Variants in MUC5B observed in about 807,000 individuals in gnomAD.
MUC5B encodes mucin 5B, oligomeric mucus/gel-forming.
In MUC5B, 116 loss-of-function variants were observed where a neutral mutation model predicts 376.9. That is an observed-to-expected ratio of 0.31 (90% CI 0.26 to 0.36). MUC5B has a LOEUF of 0.36. Ranked by LOEUF, MUC5B falls within the 10% of genes least tolerant of loss-of-function variation. The pLI is 1.00. For missense variants in MUC5B, 7,165 were observed against 7,769.9 expected, an observed-to-expected ratio of 0.92 and a Z score of 2.93; for synonymous variants, 3,517 against 3,390.9, an observed-to-expected ratio of 1.04 and a Z score of -1.29.
rs376661269 is a variant in MUC5B at position 1,259,825 on chromosome 11, G to A, written c.16783G>A (p.Asp5595Asn). Residue 5595 changes from aspartate (D) to asparagine (N), a missense_variant, in exon 45 of 49, where the codon GAT becomes AAT. Asp to Asn is a conservative substitution (Grantham distance 23, BLOSUM62 1). Coordinates refer to ENST00000529681, the MANE Select transcript of MUC5B (RefSeq NM_002458.3). ...ECVQTACLTP[D>N]GQPVQLNETW... ...CGTCCAGACCGCCTGCCTCACGCCC[G>A]ATGGCCAGCCAGTCCAGGTAACAGC... is the stretch of plus-strand genomic sequence containing the variant. The A allele has an allele frequency of 2.7e-5, 44 of 1,612,314 alleles. No individual in the cohort carries two copies. The highest frequency in any genetic ancestry group is 2.4e-4 in the African/African-American group (18 of 74,880).
Position 1,239,525 on chromosome 11 carries a change from A to G in MUC5B, c.3542A>G (p.Asn1181Ser). 2 of 1,601,102 alleles carry G rather than the reference A, an allele frequency of 1.2e-6. No homozygotes were observed. Among genetic ancestry groups the G allele is most frequent in the Non-Finnish European group, 1.7e-6 (2 of 1,171,106 alleles). ...CGAPCLKTCR[N>S]PSGHCLVDLP... ...GCACCCTGCCTAAAAACCTGCCGGAACCCCAGTGGGCACTGCCTGGTGGAC... is the reference window on the plus strand; with the variant it reads ...GCACCCTGCCTAAAAACCTGCCGGAGCCCCAGTGGGCACTGCCTGGTGGAC... The change falls in exon 27 of 49, where the codon AAC becomes AGC. Residue 1181 changes from asparagine to serine, a missense_variant. Asn to Ser is a conservative substitution (Grantham distance 46). This residue lies in a region of MUC5B where 517 missense variants were observed against 545.3 expected (regional missense o/e 0.95). Coordinates refer to ENST00000529681, the MANE Select transcript of MUC5B (RefSeq NM_002458.3).
In MUC5B at chr11:1,253,046, G is replaced by T; in HGVS notation, c.15217+66G>T. 6.3e-7 allele frequency: 1 copy of T among 1,591,578 alleles called. No homozygotes were observed. On this transcript the variant is annotated intron_variant, in intron 33 of 48. Transcript: ENST00000529681. This position sits in a 1 kb window ranked among gnomAD's most constrained non-coding sequence, Gnocchi z 4.3. ...TGGAGCAGAGTGCACCGTCGGCTAG[G>T]CTGGCAGAATGGGGCATGGTGGGGC... is the stretch of plus-strand genomic sequence containing the variant.
intron 9 of MUC5B, 51 bp downstream of exon 9, chr11:1,229,346 C>T: frequency 1.4e-6 from 2 of 1,478,008 alleles, no homozygotes; most frequent in South Asian, 2.6e-5. Flanking sequence ...GTCCCTGCTC[C>T]CAACCCCGCC....
chr11:1,246,020 C>A lies in MUC5B; in HGVS notation c.9140C>A (p.Thr3047Asn), dbSNP rs201236828. The change falls in exon 31 of 49, where the codon ACT becomes AAT. Residue 3047 changes from threonine (T) to asparagine (N), a missense_variant. Coordinates refer to ENST00000529681, the MANE Select transcript of MUC5B (RefSeq NM_002458.3). ...SKATSSSSPR[T>N]ATTLPVLTST... Reference sequence around the variant, plus strand: ...GCCACTTCCTCCTCCAGTCCAAGGACTGCAACCACCCTTCCAGTGCTGACA... The same window carrying A: ...GCCACTTCCTCCTCCAGTCCAAGGAATGCAACCACCCTTCCAGTGCTGACA... 0.022 allele frequency: 34,922 copies of A among 1,590,254 alleles called. No individual in the cohort carries two copies. The highest frequency in any genetic ancestry group is 0.024 in the Non-Finnish European group (27,612 of 1,159,584).
intron 23 of MUC5B, 194 bp downstream of exon 23, chr11:1,235,607 G>A (rs1862139567): frequency 1.6e-6 from 1 of 606,690 alleles, no homozygotes; most frequent in Non-Finnish European, 3.0e-6. Context: ...CCGGAAGTCA[G>A]AGATCCAGGC....
chr11:1,241,924 G>A lies in MUC5B; in HGVS notation c.5044G>A (p.Glu1682Lys), dbSNP rs551505442. Residue 1682 changes from glutamate (E) to lysine (K), a missense_variant, in exon 31 of 49, where the codon GAA (glutamate) becomes AAA (lysine). Physicochemically the swap from Glu to Lys is moderately conservative, Grantham distance 56 (BLOSUM62 1). Around this residue, in one of 31 missense-constraint regions of MUC5B, gnomAD observed 897 missense variants for 779.6 expected, o/e 1.15. Coordinates refer to ENST00000529681, the MANE Select transcript of MUC5B (RefSeq NM_002458.3). ...GGPTTPAGSTEPTVPGVATST... is the reference protein window; with the variant it reads ...GGPTTPAGSTKPTVPGVATST... Reference sequence around the variant, plus strand: ...CCCCACGACGCCTGCAGGCTCCACAGAACCCACTGTCCCAGGGGTGGCCAC... The same window carrying A: ...CCCCACGACGCCTGCAGGCTCCACAAAACCCACTGTCCCAGGGGTGGCCAC... The A allele has an allele frequency of 3.9e-5, 63 of 1,609,256 alleles. No individual in the cohort carries two copies. The highest frequency in any genetic ancestry group is 5.1e-5 in the Admixed American group (3 of 59,288).
At chr11:1,231,220 A>G (rs1285711487) in intron 13 of MUC5B, among the ~76,000 whole-genome samples, 1 of 151,034 alleles carries the variant, frequency 6.6e-6, no homozygotes, top group Non-Finnish European at 1.5e-5. Context: ...GCTCAGCCCC[A>G]CTCTCTCAGG....
In MUC5B at chr11:1,226,560, G is replaced by A. The variant is rs1861885763; in HGVS notation, c.200-55G>A. On this transcript the variant is annotated intron_variant, in intron 3 of 48. Coordinates refer to ENST00000529681, the MANE Select transcript of MUC5B (RefSeq NM_002458.3). ...AACCAGGGTGCCTCGGCCCAGGGGA[G>A]GCTACCCCGTGGGGGGCTGGCATGG... is the stretch of plus-strand genomic sequence containing the variant. The A allele has an allele frequency of 2.6e-6, 4 of 1,560,104 alleles. No homozygotes were observed. The Admixed American group carries it at 7.5e-5, about 29-fold the overall frequency.
Position 1,240,847 on chromosome 11 carries a change from G to T in MUC5B, c.3971-4G>T. ...CCAGGACCCCTTTCCCATGCCCCTT[G>T]CAGGCCCGGCCCTCCCGGTCTCCAC... is the stretch of plus-strand genomic sequence containing the variant. On this transcript the variant is annotated splice_region_variant and splice_polypyrimidine_tract_variant and intron_variant, in intron 30 of 48. Coordinates refer to ENST00000529681, the MANE Select transcript of MUC5B (RefSeq NM_002458.3). The T allele has an allele frequency of 6.2e-7, 1 of 1,603,342 alleles. No homozygotes were observed. The highest frequency in any genetic ancestry group is 1.7e-5 in the Admixed American group (1 of 59,450).
chr11:1,232,335 G>T, intron 15 of MUC5B, 115 bp from the exon 16 acceptor site: 1 of 1,367,344 alleles, frequency 7.3e-7, no homozygotes, highest in East Asian at 2.5e-5. Context: ...AGGCGCAGCA[G>T]GTGAGCCGCA....
In MUC5B at chr11:1,249,717, C is replaced by T. The variant is rs180674978; in HGVS notation, c.12837C>T (p.Pro4279=). Residue 4279 remains proline (P), a synonymous_variant, in exon 31 of 49, where the codon CCC becomes CCT. Transcript: ENST00000529681. ...CCACCCCGGGAACAGCTCCCCCTCC[C>T]AAAGTGCTGACCAGCCCGGCCACCA... ...PSSTPGTAPP[P]KVLTSPATTP... The T allele has an allele frequency of 2.7e-3, 4,310 of 1,610,720 alleles. 96 individuals carry two copies. Among genetic ancestry groups the T allele is most frequent in the African/African-American group, 6.2e-3 (459 of 74,632 alleles).
intron 2 of MUC5B, 96 bp downstream of exon 2, chr11:1,225,833 C>T (rs575478945): frequency 4.9e-5 from 60 of 1,217,938 alleles, no homozygotes; most frequent in African/African-American, 3.2e-4. Context: ...AGCAGCCATG[C>T]GTCTGACAGA....
At position 1,228,833 on chromosome 11, in the gene MUC5B, GC is replaced by G. The variant is rs1434902993; in HGVS notation, c.976+70del. 1.9e-4 allele frequency: 71 copies of G among 373,720 alleles called. No individual in the cohort carries two copies. In the Admixed American group the frequency reaches 4.0e-3, roughly 21 times the overall value. The allele number at this position is 373,720 out of a possible 1,614,324, so 23.2% of individuals were successfully genotyped here. On this transcript the variant is annotated intron_variant, in intron 8 of 48. Coordinates refer to ENST00000529681, the MANE Select transcript of MUC5B (RefSeq NM_002458.3). ...AAGGGGCAGGGGGAGCGCCTTGGGG[GC>G]CACTGGGGGTGGGGAGGCCTGGGGG...
chr11:1,250,623 C>A lies in MUC5B; in HGVS notation c.13743C>A (p.Pro4581=), dbSNP rs370862294. 65 of 1,612,826 alleles carry A rather than the reference C, an allele frequency of 4.0e-5. No individual in the cohort carries two copies. In the African/African-American group the frequency reaches 8.4e-4, roughly 21 times the overall value. Residue 4581 remains proline, a synonymous_variant, in exon 31 of 49, where the codon CCC becomes CCA. Transcript: ENST00000529681. ...TTGATGSVAT[P]SSTPGTAHTT... Reference sequence around the variant, plus strand: ...GGGCCACCGGCTCTGTGGCCACCCCCTCCTCCACCCCAGGAACAGCTCACA... The same window carrying A: ...GGGCCACCGGCTCTGTGGCCACCCCATCCTCCACCCCAGGAACAGCTCACA...
chr11:1,256,088 C>T (rs573727287), intron 37 of MUC5B, 68 bp from the exon 38 acceptor site: 24 of 696,776 alleles, frequency 3.4e-5, no homozygotes, highest in East Asian at 8.1e-5. Context: ...GTGTCCTGTG[C>T]GGTGATTGGG....
Position 1,234,507 on chromosome 11 carries a change from G to A in MUC5B, c.2479-22G>A, listed in dbSNP as rs1455182890. ...CCCACCCTGGTGTCCAGCCCTGACCGGTACCTGCCTGGGCCCCACAGTTCA... is the reference window on the plus strand; with the variant it reads ...CCCACCCTGGTGTCCAGCCCTGACCAGTACCTGCCTGGGCCCCACAGTTCA... On this transcript the variant is annotated intron_variant, in intron 20 of 48. Coordinates refer to ENST00000529681, the MANE Select transcript of MUC5B (RefSeq NM_002458.3). This position sits in a 1 kb window ranked among gnomAD's most constrained non-coding sequence, Gnocchi z 6.3. 3.3e-5 allele frequency: 52 copies of A among 1,568,484 alleles called. No individual in the cohort carries two copies. Among genetic ancestry groups the A allele is most frequent in the Middle Eastern group, 1.7e-4 (1 of 5,966 alleles).
At position 1,225,669 on chromosome 11, in the gene MUC5B, C is replaced by G. The variant is rs376914098; in HGVS notation, c.71-12C>G. 2.5e-6 allele frequency: 4 copies of G among 1,593,878 alleles called. No homozygotes were observed. The highest frequency in any genetic ancestry group is 1.3e-5 in the African/African-American group (1 of 74,552). On this transcript the variant is annotated splice_polypyrimidine_tract_variant and intron_variant, in intron 1 of 48. Transcript: ENST00000529681. ...CTAGTTCCTCACTGACTCCCATTCC[C>G]TCTTCCCACAGAGACCCAGGGCCCT... is the stretch of plus-strand genomic sequence containing the variant.
Position 1,229,216 on chromosome 11 carries a change from C to T in MUC5B, c.1023C>T (p.Pro341=). 1 of 1,600,556 alleles carries T rather than the reference C, an allele frequency of 6.2e-7. No homozygotes were observed. Residue 341 remains proline, a synonymous_variant, in exon 9 of 49, where the codon CCC becomes CCT. Coordinates refer to ENST00000529681, the MANE Select transcript of MUC5B (RefSeq NM_002458.3). ...TGCAGCACCAGGAGTGTGGCTCACC[C>T]TGCACGGACACCTGCTCCAACCCCC... is the stretch of plus-strand genomic sequence containing the variant. ...LNMQHQECGS[P]CTDTCSNPQR...
At position 1,250,660 on chromosome 11, in the gene MUC5B, C is replaced by A. The variant is rs759037440; in HGVS notation, c.13780C>A (p.Pro4594Thr). Residue 4594 changes from proline to threonine, a missense_variant, in exon 31 of 49, where the codon CCG becomes ACG. This residue lies in a region of MUC5B where 730 missense variants were observed against 592.7 expected (regional missense o/e 1.23). Transcript: ENST00000529681. ...TPGTAHTTKV[P>T]TTTTTGFTAT... ...AGGAACAGCTCACACTACCAAAGTG[C>A]CGACTACCACAACCACGGGCTTCAC... 1.9e-6 allele frequency: 3 copies of A among 1,612,212 alleles called. No homozygotes were observed. Among genetic ancestry groups the A allele is most frequent in the Non-Finnish European group, 2.5e-6 (3 of 1,178,918 alleles).
Sources: gnomAD v4.1 joint callset for allele counts (sites outside exome capture counted in the v4.1 genomes callset) on GRCh38, gnomAD v4.1.1 for gene constraint, gnomAD v4.1.1 regional missense constraint, Gnocchi (gnomAD v3.1) non-coding constraint, MANE v1.5 for transcripts, NCBI Gene and HGNC (gene_info 2026-07-23, HGNC 2026-07-21) for gene names.